Variants in ADAM32 observed in about 807,000 individuals in gnomAD.
The protein encoded by ADAM32 is ADAM metallopeptidase domain 32.
In ADAM32, 89 loss-of-function variants were observed where a neutral mutation model predicts 114.9. That is an observed-to-expected ratio of 0.77 (90% CI 0.65 to 0.92). The LOEUF (loss-of-function observed/expected upper bound fraction) is 0.92. Among genes scored for constraint, ADAM32 ranks in the 40% least tolerant of loss-of-function variants. ADAM32 has a pLI of 0.00. For missense variants in ADAM32, 870 were observed against 932.8 expected (o/e 0.93, Z 0.88); for synonymous variants, 285 against 307.5 (o/e 0.93, Z 0.77).
chr8:39,151,596 C>G (rs369542137), intron 6 of ADAM32, 48 bp downstream of exon 6: 7 of 1,265,390 alleles, frequency 5.5e-6, no homozygotes, highest in Non-Finnish European at 7.4e-6. Context: ...TTATTACTTC[C>G]ATTTAATTTA....
intron 10 of ADAM32, among the ~76,000 whole-genome samples, chr8:39,177,128 C>T (rs984779010): frequency 6.0e-5 from 9 of 150,292 alleles, no homozygotes; most frequent in African/African-American, 1.2e-4. Flanking sequence ...GGCATGATTT[C>T]GGCTCACTGC....
Position 39,169,932 on chromosome 8 carries a change from C to T in ADAM32, c.850C>T (p.Arg284Cys), listed in dbSNP as rs753631843. 13 of 1,595,000 alleles carry T rather than the reference C, an allele frequency of 8.2e-6. No individual in the cohort carries two copies. Among genetic ancestry groups the T allele is most frequent in the East Asian group, 2.2e-5 (1 of 44,536 alleles). ...AYLLIYMDYP[R>C]YLGAVFPGTM... ...TTTATTTAGTTATATGGATTATCCT[C>T]GTTATTTGGGAGCAGTGTTTCCTGG... Residue 284 changes from arginine to cysteine, a missense_variant, in exon 10 of 25, where the codon CGT (arginine) becomes TGT (cysteine). Arg to Cys is a radical substitution (Grantham distance 180, BLOSUM62 -3). Transcript: ENST00000379907.
chr8:39,235,981 TG>T (rs1810110754), intron 16 of ADAM32, among the ~76,000 whole-genome samples: 2 of 152,228 alleles, frequency 1.3e-5, no homozygotes, highest in South Asian at 4.1e-4. Flanking sequence ...CAAGCTCTAA[TG>T]TTACTTGCTT....
chr8:39,281,403 A>G (rs188282424), intron 23 of ADAM32, among the ~76,000 whole-genome samples: 5 of 152,346 alleles, frequency 3.3e-5, no homozygotes, highest in Admixed American at 2.6e-4. Context: ...CTTGTGGTAC[A>G]TAAGAAATAA....
intron 2 of ADAM32, among the ~76,000 whole-genome samples, chr8:39,124,596 T>G (rs1196201082): frequency 6.6e-6 from 1 of 152,028 alleles, no homozygotes; most frequent in Non-Finnish European, 1.5e-5. Context: ...TTTTGTATTT[T>G]TAGTAAAGAC....
intron 16 of ADAM32, among the ~76,000 whole-genome samples, chr8:39,241,213 G>C (rs1186164090): frequency 6.6e-6 from 1 of 152,228 alleles, no homozygotes; most frequent in Admixed American, 6.5e-5. Context: ...GCCTTGAGCA[G>C]CTCTGCACCT....
rs550171764 is a variant in ADAM32, at chr8:39,135,095, C to T, written c.139-1562C>T. On this transcript the variant is annotated intron_variant, in intron 2 of 24. Coordinates refer to ENST00000379907, the MANE Select transcript of ADAM32 (RefSeq NM_145004.7). ...ACTTGAACCCGGGAGGCAGAAGTTG[C>T]GGTGAGCTGAGATGGCGCCACTGCA... 1.4e-4 allele frequency among the ~76,000 whole-genome samples: 21 copies of T among 152,246 alleles called. No homozygotes were observed. In the South Asian group the frequency reaches 3.5e-3, roughly 26 times the overall value.
intron 12 of ADAM32, among the ~76,000 whole-genome samples, chr8:39,216,754 C>G (rs1808596243): frequency 6.6e-6 from 1 of 151,952 alleles, no homozygotes; most frequent in Non-Finnish European, 1.5e-5. Flanking sequence ...TACTTCCTCC[C>G]CCTGCTTTTC....
At chr8:39,233,628 G>C (rs1465328904) in intron 15 of ADAM32, among the ~76,000 whole-genome samples, 1 of 152,134 alleles carries the variant, frequency 6.6e-6, no homozygotes, top group Non-Finnish European at 1.5e-5. Flanking sequence ...ATGCAGCCCA[G>C]TAGGTCTTAG....
chr8:39,107,544 C>T (rs1308090612), upstream of ADAM32: 3 of 1,266,888 alleles, frequency 2.4e-6, no homozygotes, highest in Non-Finnish European at 2.1e-6. Context: ...CTCCAGCAAC[C>T]ACGCGGCTGG....
At chr8:39,174,525 A>G (rs1805393055) in intron 10 of ADAM32, among the ~76,000 whole-genome samples, 1 of 150,992 alleles carries the variant, frequency 6.6e-6, no homozygotes, top group South Asian at 2.1e-4. Context: ...TTTTATTATT[A>G]TACTTTAAGT....
chr8:39,154,120 A>G (rs1474342448), intron 6 of ADAM32, among the ~76,000 whole-genome samples: 1 of 151,236 alleles, frequency 6.6e-6, no homozygotes, highest in Non-Finnish European at 1.5e-5. Context: ...CACACGTGCC[A>G]TGGTGGTTTG....
intron 15 of ADAM32, 21 bp downstream of exon 15, chr8:39,232,156 T>G: frequency 1.3e-6 from 2 of 1,533,132 alleles, no homozygotes; most frequent in Non-Finnish European, 1.8e-6. Flanking sequence ...CAAATATAAA[T>G]GATACTTTTC....
intron 11 of ADAM32, among the ~76,000 whole-genome samples, chr8:39,198,843 TCTC>T (rs1807192844): frequency 6.6e-6 from 1 of 152,220 alleles, no homozygotes; most frequent in Non-Finnish European, 1.5e-5. Flanking sequence ...TGGTAGCTAT[TCTC>T]CTTTTACTTC....
chr8:39,234,164 A>C, intron 16 of ADAM32, 82 bp downstream of exon 16: 1 of 1,020,550 alleles, frequency 9.8e-7, no homozygotes, highest in African/African-American at 1.7e-5. Flanking sequence ...ATTTTAATTT[A>C]GTGCTAGTAT....
chr8:39,142,651 C>T (rs1057375015), intron 3 of ADAM32, among the ~76,000 whole-genome samples: 1 of 152,096 alleles, frequency 6.6e-6, no homozygotes, highest in Non-Finnish European at 1.5e-5. Context: ...TCCTTCATTC[C>T]AACCTTGGTG....
At chr8:39,165,437 C>T (rs904142915) in intron 9 of ADAM32, 3 of 328,300 alleles carry the variant, frequency 9.1e-6, no homozygotes, top group Non-Finnish European at 1.6e-5. Context: ...GAGGTTAAGC[C>T]ATCTCAGGAC....
chr8:39,257,101 A>G (rs1352449694), intron 18 of ADAM32, 86 bp from the exon 19 acceptor site: 2 of 1,264,844 alleles, frequency 1.6e-6, no homozygotes, highest in African/African-American at 3.0e-5. Flanking sequence ...CAAATTCAGA[A>G]GATTTTAATG....
In ADAM32 at chr8:39,153,255, A is replaced by G. The variant is rs146953799; in HGVS notation, c.525+1707A>G. ...GTATAATTTCAAATAATGTTTGTGAACTAGATGCTGAACTTTTTTTTCTTG... is the reference window on the plus strand; with the variant it reads ...GTATAATTTCAAATAATGTTTGTGAGCTAGATGCTGAACTTTTTTTTCTTG... On this transcript the variant is annotated intron_variant, in intron 6 of 24. Transcript: ENST00000379907. 3.4e-3 allele frequency among the ~76,000 whole-genome samples: 515 copies of G among 152,344 alleles called. 5 individuals are homozygous for G. The highest frequency in any genetic ancestry group is 0.011 in the African/African-American group (455 of 41,584).
Sources: gnomAD v4.1 joint callset for allele counts (sites outside exome capture counted in the v4.1 genomes callset) on GRCh38, gnomAD v4.1.1 for gene constraint, MANE v1.5 for transcripts, NCBI Gene and HGNC (gene_info 2026-07-23, HGNC 2026-07-21) for gene names.